The following MAP2 variants were observed in gnomAD, a reference collection of about 807,000 sequenced individuals.
MAP2 encodes the protein microtubule-associated protein 2.
MAP2 carries 14 observed loss-of-function variants against 137.6 expected under a neutral mutation model. The observed-to-expected ratio is 0.10, with a 90% CI of 0.07 to 0.16. MAP2 has a LOEUF of 0.16. MAP2 is among the 10% of genes least tolerant of loss of function. The pLI, the probability that MAP2 is intolerant of heterozygous loss-of-function variation, is 1.00. For missense variants in MAP2, 2,088 were observed against 2,191.5 expected, an observed-to-expected ratio of 0.95 and a Z score of 0.94; for synonymous variants, 786 against 782.3, an observed-to-expected ratio of 1.00 and a Z score of -0.08.
In MAP2 at chr2:209,700,315, A is replaced by C. The variant is rs769640167; in HGVS notation, c.4561A>C (p.Lys1521Gln). Reference protein sequence around the residue: ...GESALAPSVFKQAKDKVSDGV... With the variant: ...GESALAPSVFQQAKDKVSDGV... Reference sequence around the variant, plus strand: ...ATCAGCTCTGGCTCCCAGTGTATTTAAACAGGCAAAGGACAAAGTCTCTGT... The same window carrying C: ...ATCAGCTCTGGCTCCCAGTGTATTTCAACAGGCAAAGGACAAAGTCTCTGT... Residue 1521 changes from lysine (K) to glutamine (Q), a missense_variant, in exon 11 of 16, where the codon AAA becomes CAA. This residue lies in a region of MAP2 where 591 missense variants were observed against 642.6 expected (regional missense o/e 0.92). Transcript: ENST00000682079. 2.8e-5 allele frequency: 45 copies of C among 1,613,568 alleles called. 1 individual carries two copies. The Middle Eastern group carries it at 5.0e-4, about 18-fold the overall frequency.
At chr2:209,602,722 C>T (rs1214686773) in intron 3 of MAP2, among the ~76,000 whole-genome samples, 2 of 152,182 alleles carry the variant, frequency 1.3e-5, no homozygotes, top group Admixed American at 1.3e-4. Context: ...AGAACGCTAG[C>T]GGATTCTGAG....
At chr2:209,654,587 A>G (rs536124620) in intron 5 of MAP2, among the ~76,000 whole-genome samples, 8 of 152,324 alleles carry the variant, frequency 5.3e-5, no homozygotes, top group South Asian at 4.1e-4. Flanking sequence ...GGTGGTATCA[A>G]TATGGATGAC....
chr2:209,562,993 G>A (rs1224087683), intron 2 of MAP2, among the ~76,000 whole-genome samples: 1 of 152,112 alleles, frequency 6.6e-6, no homozygotes, highest in African/African-American at 2.4e-5. Flanking sequence ...TGCTTCCTGG[G>A]TACCTGATTA....
intron 4 of MAP2, among the ~76,000 whole-genome samples, chr2:209,646,463 A>G (rs529110199): frequency 1.3e-5 from 2 of 152,334 alleles, no homozygotes; most frequent in Admixed American, 1.3e-4. Context: ...AGAATTTTTA[A>G]ACATAGAACA....
intron 1 of MAP2, among the ~76,000 whole-genome samples, chr2:209,484,549 G>T (rs1326715659): frequency 6.6e-6 from 1 of 152,144 alleles, no homozygotes; most frequent in East Asian, 1.9e-4. Context: ...CATTAGTCTG[G>T]CGTGGTTGCA....
chr2:209,489,225 A>G (rs971915704), intron 1 of MAP2, among the ~76,000 whole-genome samples: 2 of 152,182 alleles, frequency 1.3e-5, no homozygotes, highest in African/African-American at 4.8e-5. Context: ...AAACTAACAA[A>G]CAGAAAGGAA....
intron 1 of MAP2, among the ~76,000 whole-genome samples, chr2:209,435,372 T>G (rs1695663581): frequency 1.3e-5 from 2 of 150,566 alleles, no homozygotes; most frequent in Admixed American, 6.7e-5. Flanking sequence ...GTGGCATGAG[T>G]GTGTGTAGGT....
chr2:209,485,340 C>A (rs1431727677), intron 1 of MAP2, among the ~76,000 whole-genome samples: 2 of 151,822 alleles, frequency 1.3e-5, no homozygotes, highest in Non-Finnish European at 2.9e-5. Flanking sequence ...AAGAGTTAAT[C>A]AATTCATTAG....
rs2059203123 is a variant in MAP2, at chr2:209,692,512, A to G, written c.455-113A>G. On this transcript the variant is annotated intron_variant, in intron 7 of 15. Transcript: ENST00000682079. ...CATGGGTAGCATGCTTGCATGTTCC[A>G]TAATTTTTGTTTTTATTCTACCATT... 8 of 1,193,476 alleles carry G rather than the reference A, an allele frequency of 6.7e-6. No homozygotes were observed. In the East Asian group the frequency reaches 1.7e-4, roughly 26 times the overall value. 73.9% of individuals were successfully genotyped at this position (1,193,476 alleles called of 1,614,324 possible).
At chr2:209,690,782 G>A (rs1381774215) in intron 7 of MAP2, 3 of 1,289,666 alleles carry the variant, frequency 2.3e-6, no homozygotes, top group Non-Finnish European at 3.0e-6. Flanking sequence ...GGCCCCACAT[G>A]AGAAAAGTGT....
chr2:209,628,614 C>T (rs567037398), intron 4 of MAP2, among the ~76,000 whole-genome samples: 1 of 152,284 alleles, frequency 6.6e-6, no homozygotes, highest in South Asian at 2.1e-4. Flanking sequence ...CTTTTAAAAA[C>T]ATCTTAATCA....
chr2:209,511,577 G>T (rs957309980), intron 2 of MAP2, among the ~76,000 whole-genome samples: 9 of 151,890 alleles, frequency 5.9e-5, no homozygotes, highest in Non-Finnish European at 1.3e-4. Context: ...GATTTCCTAT[G>T]ATTTTTTTTG....
intron 3 of MAP2, among the ~76,000 whole-genome samples, chr2:209,616,414 TG>T (rs201650536): frequency 0.17 from 25,785 of 152,116 alleles, 3,159 homozygotes; most frequent in African/African-American, 0.35. Flanking sequence ...AGACCAAATT[TG>T]ATTAATTCCT....
chr2:209,626,185 G>A (rs1267141277), intron 4 of MAP2, among the ~76,000 whole-genome samples: 5 of 152,090 alleles, frequency 3.3e-5, no homozygotes, highest in African/African-American at 9.7e-5. Flanking sequence ...TGAGGCCAAG[G>A]TGGGCAGATC....
At chr2:209,572,228 T>C (rs939108194) in intron 2 of MAP2, among the ~76,000 whole-genome samples, 1 of 152,084 alleles carries the variant, frequency 6.6e-6, no homozygotes, top group Non-Finnish European at 1.5e-5. Flanking sequence ...CTCTTCACCC[T>C]ACTTGGTTGG....
intron 3 of MAP2, among the ~76,000 whole-genome samples, chr2:209,602,401 T>C (rs2083275853): frequency 6.6e-6 from 1 of 152,202 alleles, no homozygotes; most frequent in South Asian, 2.1e-4. Flanking sequence ...CTGCTGATCA[T>C]GAATTGCATT....
At chr2:209,516,345 C>A (rs1382545669) in intron 2 of MAP2, among the ~76,000 whole-genome samples, 1 of 152,130 alleles carries the variant, frequency 6.6e-6, no homozygotes, top group Admixed American at 6.5e-5. Context: ...ACTTTTTCCA[C>A]CTTTTCCTCA....
rs757977900 is a variant in MAP2, at chr2:209,694,146, T to C, written c.1976T>C (p.Met659Thr). ...PEEPSSPQER[M>T]FTIDPKVYGE... Reference sequence around the variant, plus strand: ...GAACCCAGTTCTCCTCAAGAAAGAATGTTCACTATTGATCCAAAAGTGTAT... The same window carrying C: ...GAACCCAGTTCTCCTCAAGAAAGAACGTTCACTATTGATCCAAAAGTGTAT... The change falls in exon 8 of 16, where the codon ATG becomes ACG. Residue 659 changes from methionine (M) to threonine (T), a missense_variant. Around this residue, in one of 6 missense-constraint regions of MAP2, gnomAD observed 859 missense variants for 794.5 expected, o/e 1.08. Coordinates refer to ENST00000682079, the MANE Select transcript of MAP2 (RefSeq NM_001375505.1). 12 of 1,614,112 alleles carry C rather than the reference T, an allele frequency of 7.4e-6. No homozygotes were observed. The highest frequency in any genetic ancestry group is 1.0e-5 in the Non-Finnish European group (12 of 1,179,992).
chr2:209,572,669 C>A (rs1028208491), intron 2 of MAP2, among the ~76,000 whole-genome samples: 1 of 152,108 alleles, frequency 6.6e-6, no homozygotes, highest in Admixed American at 6.5e-5. Context: ...AAGGATTCTA[C>A]TTTTTCAGGA....
Sources: gnomAD v4.1 joint callset for allele counts (sites outside exome capture counted in the v4.1 genomes callset) on GRCh38, gnomAD v4.1.1 for gene constraint, gnomAD v4.1.1 regional missense constraint, MANE v1.5 for transcripts, NCBI Gene and HGNC (gene_info 2026-07-23, HGNC 2026-07-21) for gene names.